The following SEMA3A variants were observed in gnomAD, a reference collection of about 807,000 sequenced individuals.
SEMA3A encodes the protein semaphorin 3A.
SEMA3A carries 29 observed loss-of-function variants against 97.9 expected under a neutral mutation model. The ratio of observed to expected loss-of-function variants is 0.30; its 90% CI spans 0.22 to 0.40. The LOEUF (loss-of-function observed/expected upper bound fraction) is 0.40, where lower values mean the gene tolerates loss of function less well. Among genes scored for constraint, SEMA3A ranks in the 10% least tolerant of loss-of-function variants. SEMA3A has a pLI of 1.00. For missense variants in SEMA3A, 763 were observed against 951.3 expected (o/e 0.80, Z 2.60); for synonymous variants, 321 against 323.7 (o/e 0.99, Z 0.09).
intron 2 of SEMA3A, among the ~76,000 whole-genome samples, chr7:84,317,434 T>A (rs1333883773): frequency 6.6e-6 from 1 of 152,218 alleles, no homozygotes. Context: ...ATCTAGGTGT[T>A]GAAGTAAGTC....
chr7:83,967,132 C>G (rs1245851900), intron 15 of SEMA3A, among the ~76,000 whole-genome samples: 2 of 152,180 alleles, frequency 1.3e-5, no homozygotes, highest in East Asian at 3.9e-4. Flanking sequence ...CAGCCAAGCA[C>G]CCATCTATTT....
At chr7:84,245,268 C>G (rs1292219155) in intron 3 of SEMA3A, among the ~76,000 whole-genome samples, 2 of 152,068 alleles carry the variant, frequency 1.3e-5, no homozygotes, top group African/African-American at 4.8e-5. Context: ...TCCCATATTT[C>G]TTGGAGGCTT....
intron 6 of SEMA3A, among the ~76,000 whole-genome samples, chr7:84,020,737 A>G (rs1021407278): frequency 2.0e-5 from 3 of 151,904 alleles, no homozygotes; most frequent in Non-Finnish European, 4.4e-5. Context: ...TATGGTTTTC[A>G]TTTTGTTTTC....
intron 1 of SEMA3A, among the ~76,000 whole-genome samples, chr7:84,167,116 T>C (rs1475688566): frequency 6.6e-6 from 1 of 152,108 alleles, no homozygotes; most frequent in Non-Finnish European, 1.5e-5. Flanking sequence ...ATCCAGAAGA[T>C]GAAGAGGAAT....
intron 6 of SEMA3A, among the ~76,000 whole-genome samples, chr7:84,045,660 G>C (rs1792319494): frequency 6.6e-6 from 1 of 151,768 alleles, no homozygotes; most frequent in African/African-American, 2.4e-5. Flanking sequence ...AAAGAAAAGA[G>C]AGTAATAGTA....
At chr7:84,122,709 G>A (rs1795664917) in intron 3 of SEMA3A, among the ~76,000 whole-genome samples, 1 of 152,072 alleles carries the variant, frequency 6.6e-6, no homozygotes, top group Non-Finnish European at 1.5e-5. Context: ...GGTTGACATA[G>A]GCATTTTGGA....
intron 1 of SEMA3A, among the ~76,000 whole-genome samples, chr7:84,189,182 T>G (rs1043357978): frequency 3.3e-5 from 5 of 151,904 alleles, no homozygotes; most frequent in Non-Finnish European, 5.9e-5. Context: ...TCACTACAAG[T>G]GCAAAACTTA....
intron 5 of SEMA3A, among the ~76,000 whole-genome samples, chr7:84,054,235 A>G (rs371981728): frequency 1.3e-5 from 2 of 152,230 alleles, no homozygotes. Flanking sequence ...CATTCTCTAT[A>G]TTTCCTGAAT....
Position 84,080,871 on chromosome 7 carries a change from C to CATTT in SEMA3A, c.454-20314_454-20313insAAAT, listed in dbSNP as rs1311045931. Among the ~76,000 whole-genome samples, 11 of 1,258 alleles carry CATTT rather than the reference C, an allele frequency of 8.7e-3. 5 individuals carry two copies. The highest frequency in any genetic ancestry group is 0.039 in the African/African-American group (7 of 180). The allele number at this position is 1,258 out of a possible 152,430, so 0.8% of individuals were successfully genotyped here. On this transcript the variant is annotated intron_variant, in intron 4 of 16. Transcript: ENST00000265362. ...ACAGGCGTGAGCCACCGCGCCCGGC[C>CATTT]GCAGCTTATAATTCTTTAAAAAATA...
chr7:84,386,594 T>C (rs977652778), intron 1 of SEMA3A, among the ~76,000 whole-genome samples: 3 of 152,210 alleles, frequency 2.0e-5, no homozygotes, highest in Non-Finnish European at 4.4e-5. Flanking sequence ...CACCCTCCCA[T>C]ATATAATTTT....
At chr7:84,115,661 G>A (rs962393496) in intron 3 of SEMA3A, among the ~76,000 whole-genome samples, 4 of 151,996 alleles carry the variant, frequency 2.6e-5, no homozygotes, top group African/African-American at 7.2e-5. Flanking sequence ...TTTGATTGTG[G>A]TCCATTATAT....
intron 5 of SEMA3A, among the ~76,000 whole-genome samples, chr7:84,054,475 C>G: frequency 6.6e-6 from 1 of 152,160 alleles, no homozygotes; most frequent in Admixed American, 6.5e-5. Context: ...CGCTGATACC[C>G]TTTCTTCCAG....
exon 2 of SEMA3A, chr7:84,371,875 TC>T (rs1802985760): frequency 6.6e-6 from 1 of 152,050 alleles, no homozygotes; most frequent in Non-Finnish European, 1.5e-5. Flanking sequence ...TGTTAGACTG[TC>T]CCATGGATGG....
chr7:84,359,121 AC>A (rs1802646596), intron 2 of SEMA3A, among the ~76,000 whole-genome samples: 1 of 152,058 alleles, frequency 6.6e-6, no homozygotes, highest in Admixed American at 6.6e-5. Flanking sequence ...CTAATTGAAT[AC>A]CCTTTATTTC....
At chr7:84,387,223 G>A (rs1197017120) in intron 1 of SEMA3A, among the ~76,000 whole-genome samples, 1 of 151,918 alleles carries the variant, frequency 6.6e-6, no homozygotes, top group Non-Finnish European at 1.5e-5. Flanking sequence ...GCTGTATTAA[G>A]AATACATTTT....
intron 1 of SEMA3A, among the ~76,000 whole-genome samples, chr7:84,436,554 T>C (rs1021029399): frequency 3.9e-5 from 6 of 152,194 alleles, no homozygotes; most frequent in Non-Finnish European, 4.4e-5. Flanking sequence ...CTTTTATTCT[T>C]TGTAAAACAC....
At chr7:84,435,535 G>C (rs1325117228) in intron 1 of SEMA3A, among the ~76,000 whole-genome samples, 2 of 152,196 alleles carry the variant, frequency 1.3e-5, no homozygotes, top group Admixed American at 1.3e-4. Flanking sequence ...TTGAACCTGG[G>C]AGGCGGAAGT....
At chr7:83,996,355 T>G (rs1790219672) in intron 12 of SEMA3A, among the ~76,000 whole-genome samples, 1 of 142,246 alleles carries the variant, frequency 7.0e-6, no homozygotes. Context: ...CAGGCTGGAG[T>G]GCAGTGGTGT....
At chr7:84,329,118 C>A (rs1801846715) in intron 2 of SEMA3A, among the ~76,000 whole-genome samples, 2 of 151,732 alleles carry the variant, frequency 1.3e-5, no homozygotes, top group South Asian at 2.1e-4. Context: ...GAAAAAAAAA[C>A]CCGATTGCAT....
Sources: allele counts gnomAD v4.1 joint callset (sites outside exome capture counted in the v4.1 genomes callset), GRCh38; gene constraint gnomAD v4.1.1; transcripts MANE v1.5; gene names NCBI Gene and HGNC (gene_info 2026-07-23, HGNC 2026-07-21).